The following MPPED2 variants were observed in gnomAD, a reference collection of about 807,000 sequenced individuals.
MPPED2 encodes the protein metallophosphoesterase MPPED2.
MPPED2 carries 5 observed loss-of-function variants against 33.0 expected under a neutral mutation model. That is an observed-to-expected ratio of 0.15 (90% CI 0.08 to 0.32). MPPED2 has a LOEUF of 0.32. Among genes scored for constraint, MPPED2 ranks in the 10% least tolerant of loss-of-function variants. The pLI, the probability that MPPED2 is intolerant of heterozygous loss-of-function variation, is 1.00. For missense variants in MPPED2, 275 were observed against 372.1 expected (o/e 0.74, Z 2.15); for synonymous variants, 136 against 141.9 (o/e 0.96, Z 0.29).
In MPPED2 at chr11:30,521,141, G is replaced by A. The variant is rs181536641; in HGVS notation, c.310+14853C>T. 7.4e-3 allele frequency among the ~76,000 whole-genome samples: 1,121 copies of A among 152,116 alleles called. 20 individuals are homozygous for A. Among genetic ancestry groups the A allele is most frequent in the Non-Finnish European group, 7.4e-3 (505 of 68,000 alleles). On this transcript the variant is annotated intron_variant, in intron 3 of 6. Coordinates refer to ENST00000358117, the MANE Select transcript of MPPED2 (RefSeq NM_001584.3). ...GTTAGCTGTAATTTATGAATTTGGG[G>A]GGAGATTTAGGAAACCTAACTGATA... is the stretch of plus-strand genomic sequence containing the variant.
chr11:30,431,926 G>A (rs1414527511), intron 4 of MPPED2, among the ~76,000 whole-genome samples: 1 of 152,094 alleles, frequency 6.6e-6, no homozygotes, highest in African/African-American at 2.4e-5. Context: ...TGTAATTCCA[G>A]CACTTTGGGA....
intron 2 of MPPED2, among the ~76,000 whole-genome samples, chr11:30,570,455 T>A (rs1052601349): frequency 1.3e-5 from 2 of 152,148 alleles, no homozygotes; most frequent in Non-Finnish European, 2.9e-5. Flanking sequence ...AGTCGTATCA[T>A]TCTTAAACAT....
intron 2 of MPPED2, among the ~76,000 whole-genome samples, chr11:30,536,917 T>C (rs965070444): frequency 1.3e-5 from 2 of 152,216 alleles, no homozygotes; most frequent in African/African-American, 4.8e-5. Flanking sequence ...AAAGATTCTA[T>C]TCAGTACAAA....
chr11:30,530,938 G>T (rs947645862), intron 3 of MPPED2, among the ~76,000 whole-genome samples: 1 of 152,192 alleles, frequency 6.6e-6, no homozygotes, highest in Non-Finnish European at 1.5e-5. Flanking sequence ...AGAAGCCACT[G>T]ATGTTCAAGG....
chr11:30,419,737 T>G (rs1948528991), intron 4 of MPPED2, among the ~76,000 whole-genome samples: 2 of 152,144 alleles, frequency 1.3e-5, no homozygotes, highest in African/African-American at 4.8e-5. Context: ...GGGTTTTCTC[T>G]CTGGGATCCT....
chr11:30,390,688 T>C (rs1215673193), intron 6 of MPPED2, among the ~76,000 whole-genome samples: 1 of 152,188 alleles, frequency 6.6e-6, no homozygotes, highest in African/African-American at 2.4e-5. Context: ...AACAACTTAT[T>C]GTTATATCTT....
At chr11:30,474,573 T>C (rs1294618884) in intron 4 of MPPED2, among the ~76,000 whole-genome samples, 1 of 152,094 alleles carries the variant, frequency 6.6e-6, no homozygotes, top group Admixed American at 6.6e-5. Context: ...CCCACACTGA[T>C]TGGTCCAAAG....
intron 3 of MPPED2, among the ~76,000 whole-genome samples, chr11:30,513,915 G>T (rs1226183155): frequency 6.6e-6 from 1 of 152,138 alleles, no homozygotes; most frequent in Non-Finnish European, 1.5e-5. Flanking sequence ...TCAGTCACTG[G>T]CCAAGCCTCA....
At chr11:30,408,947 T>C (rs1396690263), downstream of MPPED2, among the ~76,000 whole-genome samples, 1 of 152,154 alleles carries the variant, frequency 6.6e-6, no homozygotes, top group Non-Finnish European at 1.5e-5. Flanking sequence ...TGCTTACAAA[T>C]CCCTCAGAGG....
intron 2 of MPPED2, among the ~76,000 whole-genome samples, chr11:30,566,921 C>T (rs574018260): frequency 1.3e-5 from 2 of 152,092 alleles, no homozygotes; most frequent in Admixed American, 6.6e-5. Context: ...ACAGGGGCTC[C>T]CTAAAAAGGG....
chr11:30,414,194 C>A (rs950277236), intron 6 of MPPED2, 34 bp downstream of exon 6: 33 of 1,493,070 alleles, frequency 2.2e-5, no homozygotes, highest in Non-Finnish European at 2.9e-5. Context: ...GACAGGGGCA[C>A]AAAATGTTTT....
At chr11:30,580,515 A>G in intron 1 of MPPED2, 21 bp from the exon 2 acceptor site, 1 of 1,416,978 alleles carries the variant, frequency 7.1e-7, no homozygotes, top group Non-Finnish European at 9.2e-7. Context: ...AAAAAAATGT[A>G]TATAAAATGA....
At position 30,410,239 on chromosome 11, in the gene MPPED2, AT is replaced by A; in HGVS notation, c.*1228del. 1.0e-6 allele frequency: 1 copy of A among 985,844 alleles called. No homozygotes were observed. Among genetic ancestry groups the A allele is most frequent in the Non-Finnish European group, 1.2e-6 (1 of 829,922 alleles). The allele number at this position is 985,844 out of a possible 1,614,324, so 61.1% of individuals were successfully genotyped here. On this transcript the variant is annotated 3_prime_UTR_variant, in exon 7 of 7. Coordinates refer to ENST00000358117, the MANE Select transcript of MPPED2 (RefSeq NM_001584.3). The stretch of plus-strand genomic sequence containing the variant: ...ACAGCACGAATTTAAAAATCTTGCA[AT>A]TTTATTTGCATATAAAGGCCGCTAG...
intron 4 of MPPED2, among the ~76,000 whole-genome samples, chr11:30,440,903 A>G (rs1030139079): frequency 2.1e-4 from 32 of 152,216 alleles, no homozygotes; most frequent in African/African-American, 7.7e-4. Context: ...TGGAATCGTA[A>G]TATGTCTGGG....
chr11:30,386,897 T>C (rs1947709332), exon 7 of MPPED2: 1 of 397,040 alleles, frequency 2.5e-6, no homozygotes, highest in Non-Finnish European at 4.4e-6. Flanking sequence ...ATTAAGCATC[T>C]GCCAAATGTT....
At chr11:30,463,632 G>A (rs1350909051) in intron 4 of MPPED2, among the ~76,000 whole-genome samples, 1 of 152,224 alleles carries the variant, frequency 6.6e-6, no homozygotes, top group Non-Finnish European at 1.5e-5. Flanking sequence ...GCCAACCTGT[G>A]AGAAATGGAG....
At chr11:30,506,293 C>T (rs1451906167) in intron 3 of MPPED2, among the ~76,000 whole-genome samples, 1 of 152,182 alleles carries the variant, frequency 6.6e-6, no homozygotes, top group African/African-American at 2.4e-5. Flanking sequence ...CTCAGCCCGC[C>T]TCAGCCTCCC....
intron 3 of MPPED2, among the ~76,000 whole-genome samples, chr11:30,497,381 A>G (rs1952317922): frequency 6.6e-6 from 1 of 152,100 alleles, no homozygotes; most frequent in South Asian, 2.1e-4. Flanking sequence ...CCCCGCCCCA[A>G]TTCACCTGTG....
At chr11:30,419,959 T>G (rs796559381) in intron 4 of MPPED2, among the ~76,000 whole-genome samples, 5 of 152,306 alleles carry the variant, frequency 3.3e-5, no homozygotes, top group African/African-American at 9.6e-5. Flanking sequence ...TTTATTAACT[T>G]TAGTTAGATC....
Sources: allele counts gnomAD v4.1 joint callset (sites outside exome capture counted in the v4.1 genomes callset), GRCh38; gene constraint gnomAD v4.1.1; transcripts MANE v1.5; gene names NCBI Gene and HGNC (gene_info 2026-07-23, HGNC 2026-07-21).